The following ARHGAP20 variants were observed in gnomAD, a reference collection of about 807,000 sequenced individuals.
ARHGAP20 encodes Rho GTPase activating protein 20, also known as rho GTPase-activating protein 20.
Under a neutral mutation model 73.7 loss-of-function variants are expected in ARHGAP20, and 34 were observed. The observed-to-expected ratio is 0.46, with a 90% confidence interval of 0.35 to 0.61. ARHGAP20 has a LOEUF of 0.61. ARHGAP20 is among the 20% of genes least tolerant of loss of function. The pLI, the probability that ARHGAP20 is intolerant of heterozygous loss-of-function variation, is 0.00. For missense variants in ARHGAP20, 1,314 were observed against 1,420.9 expected (o/e 0.92, Z 1.21); for synonymous variants, 523 against 518.2 (o/e 1.01, Z -0.13).
At chr11:110,684,113 T>C (rs1331567781) in intron 2 of ARHGAP20, among the ~76,000 whole-genome samples, 2 of 152,150 alleles carry the variant, frequency 1.3e-5, no homozygotes, top group African/African-American at 2.4e-5. Context: ...AATACTTATA[T>C]ATAAAAAGAT....
chr11:110,621,920 A>C (rs2099493554), intron 4 of ARHGAP20, among the ~76,000 whole-genome samples: 1 of 152,182 alleles, frequency 6.6e-6, no homozygotes, highest in Admixed American at 6.5e-5. Context: ...TGAAGCTACA[A>C]ACTCTATTTC....
intron 3 of ARHGAP20, among the ~76,000 whole-genome samples, chr11:110,625,038 T>TA (rs1565445351): frequency 1.1e-4 from 15 of 141,346 alleles, no homozygotes; most frequent in South Asian, 6.6e-4. Context: ...TTTTATTTTT[T>TA]TTTTTTTTTT....
At chr11:110,628,658 T>A (rs1948797934) in intron 3 of ARHGAP20, among the ~76,000 whole-genome samples, 1 of 152,180 alleles carries the variant, frequency 6.6e-6, no homozygotes, top group South Asian at 2.1e-4. Flanking sequence ...AAATAATCTT[T>A]CATAATTTGA....
At position 110,580,520 on chromosome 11, in the gene ARHGAP20, A is replaced by G; in HGVS notation, c.2426T>C (p.Met809Thr). The G allele has an allele frequency of 6.2e-7, 1 of 1,614,208 alleles. No homozygotes were observed. The highest frequency in any genetic ancestry group is 1.1e-5 in the South Asian group (1 of 91,084). ...VAISVASYSP[M>T]SSQDHSKNQP... is the part of the protein sequence containing the mutation. ...GTTCTTGGAATGATCCTGTGAGGAC[A>G]TAGGACTATAAGATGCCACAGAAAT... Residue 809 changes from methionine to threonine, a missense_variant, in exon 15 of 15, where the codon ATG (methionine) becomes ACG (threonine). This residue lies in a region of ARHGAP20 where 641 missense variants were observed against 636.9 expected (regional missense o/e 1.01). Coordinates refer to ENST00000683387, the MANE Select transcript of ARHGAP20 (RefSeq NM_001384657.1).
At chr11:110,637,381 T>C (rs1051037188) in intron 2 of ARHGAP20, among the ~76,000 whole-genome samples, 1 of 152,092 alleles carries the variant, frequency 6.6e-6, no homozygotes, top group Non-Finnish European at 1.5e-5. Flanking sequence ...GTTAAATAAC[T>C]ACATAAAATT....
intron 2 of ARHGAP20, among the ~76,000 whole-genome samples, chr11:110,667,567 A>G (rs1158495556): frequency 6.6e-6 from 1 of 152,216 alleles, no homozygotes; most frequent in Non-Finnish European, 1.5e-5. Context: ...GGCTAACAAA[A>G]TATCCACTCT....
chr11:110,709,033 G>A (rs1417789964), intron 1 of ARHGAP20, among the ~76,000 whole-genome samples: 1 of 152,020 alleles, frequency 6.6e-6, no homozygotes, highest in Non-Finnish European at 1.5e-5. Context: ...CCACTCAGTG[G>A]CACTACTCTC....
chr11:110,577,124 C>A lies in ARHGAP20; in HGVS notation c.*2246G>T. The stretch of plus-strand genomic sequence containing the variant: ...TATCCATTATCAGTGCCTTGAAAAC[C>A]AAACAACTTTAAAAGTTAGCAGCAG... On this transcript the variant is annotated 3_prime_UTR_variant, in exon 15 of 15. Coordinates refer to ENST00000683387, the MANE Select transcript of ARHGAP20 (RefSeq NM_001384657.1). The A allele has an allele frequency of 6.5e-7, 1 of 1,534,270 alleles. No individual in the cohort carries two copies. Among genetic ancestry groups the A allele is most frequent in the South Asian group, 1.2e-5 (1 of 83,710 alleles).
intron 1 of ARHGAP20, among the ~76,000 whole-genome samples, chr11:110,692,916 A>G (rs1244907624): frequency 6.6e-6 from 1 of 151,990 alleles, no homozygotes; most frequent in Non-Finnish European, 1.5e-5. Context: ...TAAATTTTGC[A>G]TGCAACTTCA....
intron 2 of ARHGAP20, among the ~76,000 whole-genome samples, chr11:110,653,207 C>T (rs1327533785): frequency 2.0e-5 from 3 of 152,032 alleles, no homozygotes; most frequent in Non-Finnish European, 2.9e-5. Flanking sequence ...GCAACAAAAG[C>T]GAAAATTGAT....
intron 4 of ARHGAP20, among the ~76,000 whole-genome samples, chr11:110,621,441 A>G (rs1948628154): frequency 6.9e-6 from 1 of 144,504 alleles, no homozygotes; most frequent in African/African-American, 2.5e-5. Context: ...TTTTCCTTTA[A>G]AAAATCTTTG....
chr11:110,619,365 C>A (rs1315149255), intron 4 of ARHGAP20, among the ~76,000 whole-genome samples: 72 of 137,766 alleles, frequency 5.2e-4, no homozygotes, highest in African/African-American at 1.7e-3. Context: ...GTAGTGATAG[C>A]ATATATGTAG....
At chr11:110,670,107 C>T (rs530505823) in intron 2 of ARHGAP20, among the ~76,000 whole-genome samples, 1 of 152,092 alleles carries the variant, frequency 6.6e-6, no homozygotes, top group South Asian at 2.1e-4. Flanking sequence ...CACAAGGAAA[C>T]CTTTGGAGGT....
At chr11:110,625,504 A>G (rs2134939124) in intron 3 of ARHGAP20, among the ~76,000 whole-genome samples, 1 of 152,276 alleles carries the variant, frequency 6.6e-6, no homozygotes, top group South Asian at 2.1e-4. Flanking sequence ...GATTTTGTTC[A>G]ACCATTTCCC....
chr11:110,673,420 T>G (rs1050874782), intron 2 of ARHGAP20, among the ~76,000 whole-genome samples: 5 of 152,170 alleles, frequency 3.3e-5, no homozygotes, highest in African/African-American at 1.2e-4. Flanking sequence ...ATAAAAAAAT[T>G]TTAAAATCAG....
chr11:110,712,899 C>G (rs570893406), upstream of ARHGAP20: 1 of 152,082 alleles, frequency 6.6e-6, no homozygotes, highest in East Asian at 1.9e-4. Flanking sequence ...GAATCCCCCA[C>G]CCCACCCCAC....
chr11:110,678,048 A>T (rs181663155), intron 2 of ARHGAP20, among the ~76,000 whole-genome samples: 1 of 152,382 alleles, frequency 6.6e-6, no homozygotes, highest in Admixed American at 6.5e-5. Flanking sequence ...TAAAGTACTG[A>T]TACATGCTAC....
intron 2 of ARHGAP20, among the ~76,000 whole-genome samples, chr11:110,679,970 C>T (rs1370527269): frequency 1.3e-5 from 2 of 152,174 alleles, no homozygotes; most frequent in African/African-American, 4.8e-5. Context: ...TAGCAGTAGA[C>T]TCTTACCCTC....
chr11:110,660,061 CAAA>C lies in ARHGAP20; in HGVS notation c.189-29272_189-29270del, dbSNP rs746439426. Among the ~76,000 whole-genome samples, 236 of 69,266 alleles carry C rather than the reference CAAA, an allele frequency of 3.4e-3. 1 individual carries two copies. Among genetic ancestry groups the C allele is most frequent in the African/African-American group, 0.011 (224 of 21,126 alleles). The allele number at this position is 69,266 out of a possible 152,430, so 45.4% of individuals were successfully genotyped here. On this transcript the variant is annotated intron_variant, in intron 2 of 14. Coordinates refer to ENST00000683387, the MANE Select transcript of ARHGAP20 (RefSeq NM_001384657.1). The stretch of plus-strand genomic sequence containing the variant: ...CTAAAACTTAAAGTATAATAAAAAA[CAAA>C]AAAAAAAAAAAAAAGAAAATACCCT...
Sources: allele counts gnomAD v4.1 joint callset (sites outside exome capture counted in the v4.1 genomes callset), GRCh38; gene constraint gnomAD v4.1.1; regional missense constraint gnomAD v4.1.1; transcripts MANE v1.5; gene names NCBI Gene and HGNC (gene_info 2026-07-23, HGNC 2026-07-21).